The following IL4I1 variants were observed in gnomAD, a reference collection of about 807,000 sequenced individuals.
IL4I1 encodes interleukin 4 induced 1.
In IL4I1, 24 loss-of-function variants were observed where a neutral mutation model predicts 29.7. The observed-to-expected ratio is 0.81, with a 90% CI of 0.59 to 1.14. IL4I1 has a LOEUF of 1.14. IL4I1 is among the 50% of genes most tolerant of loss of function. The pLI is 0.00. For missense variants in IL4I1, 686 were observed against 785.6 expected, an observed-to-expected ratio of 0.87 and a Z score of 1.52; for synonymous variants, 371 against 352.5, an observed-to-expected ratio of 1.05 and a Z score of -0.59.
chr19:49,901,490 G>A (rs893438637), upstream of IL4I1: 1 of 477,026 alleles, frequency 2.1e-6, no homozygotes, highest in Non-Finnish European at 3.5e-6. Flanking sequence ...GGGGGTCCAG[G>A]CCCAGATTGG....
At chr19:49,910,363 C>T (rs62126291) in intron 2 of IL4I1, among the ~76,000 whole-genome samples, 375 of 152,140 alleles carry the variant, frequency 2.5e-3, no homozygotes, top group Admixed American at 5.9e-3. Flanking sequence ...GGCCGGGAAC[C>T]CAGGCTGGAT....
At chr19:49,922,406 C>T (rs180834605) in intron 2 of IL4I1, among the ~76,000 whole-genome samples, 1 of 152,244 alleles carries the variant, frequency 6.6e-6, no homozygotes, top group East Asian at 1.9e-4. Flanking sequence ...TAGGCCTCCT[C>T]CTCTGCTCCC....
chr19:49,923,197 C>G (rs908796529), intron 2 of IL4I1, among the ~76,000 whole-genome samples: 6 of 152,170 alleles, frequency 3.9e-5, no homozygotes, highest in African/African-American at 1.4e-4. Flanking sequence ...CCAGCCCCCG[C>G]GTCATCCTCT....
intron 2 of IL4I1, chr19:49,908,971 G>T: frequency 6.2e-7 from 1 of 1,608,388 alleles, no homozygotes. Context: ...TGGTGGTGGT[G>T]GCGGTGGCGG....
chr19:49,924,625 G>A (rs1042551826), intron 2 of IL4I1, among the ~76,000 whole-genome samples: 1 of 152,248 alleles, frequency 6.6e-6, no homozygotes, highest in Non-Finnish European at 1.5e-5. Context: ...GCCAGGACAT[G>A]AGTCCTGAAG....
chr19:49,913,707 G>C (rs7257503), intron 2 of IL4I1, among the ~76,000 whole-genome samples: 1 of 152,050 alleles, frequency 6.6e-6, no homozygotes, highest in Non-Finnish European at 1.5e-5. Context: ...ATAATAAACC[G>C]TGACCGTGAC....
intron 2 of IL4I1, chr19:49,909,815 G>A: frequency 6.2e-7 from 1 of 1,613,798 alleles, no homozygotes; most frequent in Non-Finnish European, 8.5e-7. Flanking sequence ...CATGGCTCCG[G>A]ACTCTGGTGG....
intron 2 of IL4I1, chr19:49,909,308 T>C: frequency 6.2e-7 from 1 of 1,614,002 alleles, no homozygotes; most frequent in Non-Finnish European, 8.5e-7. Flanking sequence ...ACCGGAGGGT[T>C]GGGCCGTGCT....
chr19:49,902,359 CTTTTTTT>C (rs1207280960), intron 3 of IL4I1, among the ~76,000 whole-genome samples: 1 of 118,634 alleles, frequency 8.4e-6, no homozygotes, highest in South Asian at 2.7e-4. Flanking sequence ...GCAGCCATTT[CTTTTTTT>C]TTTTTTTTTT....
In IL4I1 at chr19:49,896,446, C is replaced by CTT. The variant is rs111916822; in HGVS notation, c.-22-266_-22-265dup. 3.3e-3 allele frequency among the ~76,000 whole-genome samples: 493 copies of CTT among 148,976 alleles called. 3 individuals carry two copies. The highest frequency in any genetic ancestry group is 0.011 in the African/African-American group (440 of 40,564). ...TTTTCCCTCTTTCTTTCCTTTCTTT[C>CTT]TTTTTTTTTTAACAGTCTTTCTCTG... On this transcript the variant is annotated intron_variant, in intron 1 of 7. Coordinates refer to ENST00000391826, the MANE Select transcript of IL4I1 (RefSeq NM_152899.2).
chr19:49,921,960 C>T lies in IL4I1; in HGVS notation c.-228+5734G>A, dbSNP rs574031299. On this transcript the variant is annotated intron_variant, in intron 2 of 9. Transcript: ENST00000341114. This position sits in a 1 kb window ranked among gnomAD's most constrained non-coding sequence, Gnocchi z 5.4. ...TGCATTTGCTGCGAGAAAGCAGCCC[C>T]GACGGCAGGGCCCTAGGGCCCCAGG... 1.2e-4 allele frequency among the ~76,000 whole-genome samples: 19 copies of T among 152,310 alleles called. No individual in the cohort carries two copies. The highest frequency in any genetic ancestry group is 1.9e-4 in the Non-Finnish European group (13 of 68,024).
upstream of IL4I1, among the ~76,000 whole-genome samples, chr19:49,897,962 G>A (rs1164006043): frequency 6.6e-6 from 1 of 152,242 alleles, no homozygotes; most frequent in Non-Finnish European, 1.5e-5. Flanking sequence ...AGGGGCGGGA[G>A]GCCGTGGCAA....
At chr19:49,891,269 G>C in intron 6 of IL4I1, 136 bp downstream of exon 6, 1 of 1,378,088 alleles carries the variant, frequency 7.3e-7, no homozygotes, top group South Asian at 1.3e-5. Context: ...GACAGGGGGC[G>C]TGTCCAGCCC....
At chr19:49,896,920 C>A, upstream of IL4I1, 1 of 982,412 alleles carries the variant, frequency 1.0e-6, no homozygotes, top group Non-Finnish European at 1.2e-6. Flanking sequence ...TCCCCTTAAA[C>A]TGGCAGAGCC....
At chr19:49,905,674 G>A (rs2075312800) in intron 2 of IL4I1, among the ~76,000 whole-genome samples, 2 of 152,122 alleles carry the variant, frequency 1.3e-5, no homozygotes, top group South Asian at 4.2e-4. Context: ...TCGGCTCACT[G>A]CAACCTCCAC....
At chr19:49,896,236 G>A in intron 1 of IL4I1, 54 bp from the exon 2 acceptor site, 1 of 1,467,508 alleles carries the variant, frequency 6.8e-7, no homozygotes, top group Non-Finnish European at 9.0e-7. Flanking sequence ...GACCACTGTA[G>A]CCTGACTCTG....
chr19:49,895,985 G>A lies in IL4I1; in HGVS notation c.82C>T (p.Arg28Cys), dbSNP rs750580633. 22 of 1,614,046 alleles carry A rather than the reference G, an allele frequency of 1.4e-5. No homozygotes were observed. Among genetic ancestry groups the A allele is most frequent in the Middle Eastern group, 1.6e-4 (1 of 6,084 alleles). The change falls in exon 3 of 8, where the codon CGC (arginine) becomes TGC (cysteine). Residue 28 changes from arginine (R) to cysteine (C), a missense_variant. Coordinates refer to ENST00000391826, the MANE Select transcript of IL4I1 (RefSeq NM_152899.2). ...LVASQDWKAE[R>C]SQDPFEKCMQ... ...CATTTCTCGAAGGGGTCTTGGCTGC[G>A]TTCAGCCTTCCAGTCCTGGGAGGCC...
intron 2 of IL4I1, chr19:49,912,888 C>T (rs937930244): frequency 2.0e-5 from 3 of 152,254 alleles, no homozygotes; most frequent in African/African-American, 7.2e-5. Flanking sequence ...AGGAGACCTA[C>T]CATTACTCAC....
intron 1 of IL4I1, chr19:49,928,396 A>T (rs1018390587): frequency 2.6e-5 from 4 of 152,112 alleles, no homozygotes; most frequent in African/African-American, 9.7e-5. Context: ...GGGCGCCTGT[A>T]GTCCCAGCTA....
Sources: gnomAD v4.1 joint callset for allele counts (sites outside exome capture counted in the v4.1 genomes callset) on GRCh38, gnomAD v4.1.1 for gene constraint, Gnocchi (gnomAD v3.1) non-coding constraint, MANE v1.5 for transcripts, NCBI Gene and HGNC (gene_info 2026-07-23, HGNC 2026-07-21) for gene names.